CSMD1: variants seen among roughly 807,000 people sequenced by gnomAD.
CSMD1 encodes CUB and sushi domain-containing protein 1.
CSMD1 carries 213 observed loss-of-function variants against 417.5 expected under a neutral mutation model. The ratio of observed to expected loss-of-function variants is 0.51; its 90% CI spans 0.46 to 0.57. The LOEUF (loss-of-function observed/expected upper bound fraction) is 0.57, where lower values mean the gene tolerates loss of function less well. Among genes scored for constraint, CSMD1 ranks in the 20% least tolerant of loss-of-function variants. The pLI, the probability that CSMD1 is intolerant of heterozygous loss-of-function variation, is 0.00. For missense variants in CSMD1, 6,923 were observed against 4,529.7 expected (o/e 1.53, Z -15.17); for synonymous variants, 2,862 against 1,736.8 (o/e 1.65, Z -16.11).
At chr8:3,043,108 C>G (rs946187074) in intron 50 of CSMD1, among the ~76,000 whole-genome samples, 1 of 150,164 alleles carries the variant, frequency 6.7e-6, no homozygotes, top group Non-Finnish European at 1.5e-5. Context: ...TACTAGGTCA[C>G]TATGGTGATA....
At chr8:3,018,714 C>A in intron 51 of CSMD1, 64 bp from the exon 52 acceptor site, 3 of 1,444,536 alleles carry the variant, frequency 2.1e-6, no homozygotes, top group Admixed American at 2.1e-5. Context: ...GTGCTCCAAA[C>A]AAACAAACAA....
At chr8:3,500,764 C>T (rs1275187637) in intron 10 of CSMD1, among the ~76,000 whole-genome samples, 1 of 151,958 alleles carries the variant, frequency 6.6e-6, no homozygotes, top group Non-Finnish European at 1.5e-5. Flanking sequence ...ATAACCATGG[C>T]AAGAAAGAAC....
At chr8:4,475,786 T>C (rs1325321907) in intron 2 of CSMD1, among the ~76,000 whole-genome samples, 7 of 152,056 alleles carry the variant, frequency 4.6e-5, no homozygotes, top group African/African-American at 1.7e-4. Flanking sequence ...CTAATTTTTG[T>C]ATTTTTAGTA....
chr8:3,426,666 AACTT>A (rs1384903760), intron 12 of CSMD1, among the ~76,000 whole-genome samples: 15 of 152,180 alleles, frequency 9.9e-5, no homozygotes, highest in African/African-American at 3.4e-4. Flanking sequence ...AAAACTTGTC[AACTT>A]ACTTTATTTT....
intron 4 of CSMD1, among the ~76,000 whole-genome samples, chr8:4,006,090 C>A (rs916746455): frequency 2.0e-5 from 3 of 152,166 alleles, no homozygotes; most frequent in Non-Finnish European, 4.4e-5. Flanking sequence ...CCAACAGATG[C>A]AACAGAAAGC....
intron 3 of CSMD1, among the ~76,000 whole-genome samples, chr8:4,365,870 G>C (rs1802038382): frequency 6.6e-6 from 1 of 152,122 alleles, no homozygotes; most frequent in Admixed American, 6.5e-5. Context: ...TCTACTTAAA[G>C]AGTAATTTTC....
At chr8:4,600,244 C>T (rs1037719180) in intron 2 of CSMD1, among the ~76,000 whole-genome samples, 1 of 152,006 alleles carries the variant, frequency 6.6e-6, no homozygotes, top group Non-Finnish European at 1.5e-5. Context: ...TCTACTCTCT[C>T]TCTCTCCCAC....
intron 4 of CSMD1, among the ~76,000 whole-genome samples, chr8:4,019,819 A>T (rs1796700808): frequency 6.6e-6 from 1 of 151,662 alleles, no homozygotes. Flanking sequence ...CCTTTCTTTC[A>T]CTAGGCACTC....
At chr8:3,512,691 C>G (rs983885425) in intron 10 of CSMD1, among the ~76,000 whole-genome samples, 3 of 151,262 alleles carry the variant, frequency 2.0e-5, no homozygotes, top group Admixed American at 6.6e-5. Flanking sequence ...TCCCTGCAAC[C>G]TCTGCCTCCT....
chr8:3,637,092 A>C (rs1797088621), intron 7 of CSMD1, among the ~76,000 whole-genome samples: 2 of 152,146 alleles, frequency 1.3e-5, no homozygotes, highest in South Asian at 2.1e-4. Flanking sequence ...CCAGACTCCA[A>C]AACTATAGAA....
chr8:4,219,153 C>T (rs17069542), intron 3 of CSMD1, among the ~76,000 whole-genome samples: 3,853 of 152,232 alleles, frequency 0.025, 132 homozygotes, highest in East Asian at 0.1. Flanking sequence ...TTTGTAGCAC[C>T]TGGTGTTGTG....
At chr8:4,634,927 A>G (rs1234072991) in intron 2 of CSMD1, among the ~76,000 whole-genome samples, 1 of 152,106 alleles carries the variant, frequency 6.6e-6, no homozygotes, top group Non-Finnish European at 1.5e-5. Flanking sequence ...GTATTACAGT[A>G]CTCTAAACGG....
At chr8:4,231,418 A>T (rs941157439) in intron 3 of CSMD1, among the ~76,000 whole-genome samples, 1 of 152,184 alleles carries the variant, frequency 6.6e-6, no homozygotes, top group South Asian at 2.1e-4. Context: ...TTGTTACAAA[A>T]ATTACGATAA....
chr8:4,500,945 C>G (rs1045134975), intron 2 of CSMD1, among the ~76,000 whole-genome samples: 1 of 151,982 alleles, frequency 6.6e-6, no homozygotes, highest in Non-Finnish European at 1.5e-5. Flanking sequence ...GAACGAGTAC[C>G]CTTGTTTTTG....
intron 3 of CSMD1, among the ~76,000 whole-genome samples, chr8:4,399,520 A>C (rs1303718074): frequency 6.6e-6 from 1 of 152,102 alleles, no homozygotes; most frequent in Non-Finnish European, 1.5e-5. Context: ...AACATTCAAG[A>C]AACTTTCCTC....
chr8:4,506,993 G>A (rs1200617782), intron 2 of CSMD1, among the ~76,000 whole-genome samples: 1 of 152,042 alleles, frequency 6.6e-6, no homozygotes, highest in Non-Finnish European at 1.5e-5. Flanking sequence ...ATCGGTGAAG[G>A]AATTCCTAAG....
At chr8:4,153,646 A>G (rs1319818851) in intron 3 of CSMD1, among the ~76,000 whole-genome samples, 1 of 152,164 alleles carries the variant, frequency 6.6e-6, no homozygotes, top group African/African-American at 2.4e-5. Flanking sequence ...GGCAGCTGAC[A>G]TCCTTTATTT....
chr8:3,134,276 C>T (rs866003177), intron 41 of CSMD1, among the ~76,000 whole-genome samples: 3 of 152,180 alleles, frequency 2.0e-5, no homozygotes, highest in Non-Finnish European at 4.4e-5. Flanking sequence ...TTCTGATGTC[C>T]GGAGGCCGTG....
At chr8:3,886,001 A>G (rs890280801) in intron 5 of CSMD1, among the ~76,000 whole-genome samples, 1 of 151,514 alleles carries the variant, frequency 6.6e-6, no homozygotes, top group Non-Finnish European at 1.5e-5. Flanking sequence ...ATATATGTGT[A>G]CATATATATG....
Sources: allele counts gnomAD v4.1 joint callset (sites outside exome capture counted in the v4.1 genomes callset), GRCh38; gene constraint gnomAD v4.1.1; transcripts MANE v1.5; gene names NCBI Gene and HGNC (gene_info 2026-07-23, HGNC 2026-07-21).